Variants in AGFG2 observed in about 807,000 individuals in gnomAD.
AGFG2 encodes the protein arf-GAP domain and FG repeat-containing protein 2.
A neutral mutation model predicts 48.0 loss-of-function variants in AGFG2; 31 were observed. That is an observed-to-expected ratio of 0.65 (90% confidence interval 0.49 to 0.87). The LOEUF (loss-of-function observed/expected upper bound fraction) is 0.87. Ranked by LOEUF, AGFG2 falls within the 40% of genes least tolerant of loss-of-function variation. AGFG2 has a pLI of 0.00. For missense variants in AGFG2, 599 were observed against 632.6 expected (o/e 0.95, Z 0.57); for synonymous variants, 229 against 260.8 (o/e 0.88, Z 1.18).
rs913099551 is a variant in AGFG2, at chr7:100,562,749, C to T, written c.1087+67C>T. 6.3e-7 allele frequency: 1 copy of T among 1,590,790 alleles called. No homozygotes were observed. The highest frequency in any genetic ancestry group is 1.3e-5 in the African/African-American group (1 of 74,576). On this transcript the variant is annotated intron_variant, in intron 8 of 11. Coordinates refer to ENST00000300176, the MANE Select transcript of AGFG2 (RefSeq NM_006076.5). The surrounding 1 kb of genome is among the most constrained non-coding windows in gnomAD (Gnocchi z 5.4). ...CCAGGAGGAGTCTAAGGACTCTGGA[C>T]AGGGTGGGAAGGGGAGAGATTGAGA...
Position 100,548,929 on chromosome 7 carries a change from G to A in AGFG2, c.315+14G>A, listed in dbSNP as rs767248713. The A allele has an allele frequency of 1.3e-5, 21 of 1,606,452 alleles. No homozygotes were observed. Among genetic ancestry groups the A allele is most frequent in the East Asian group, 1.1e-4 (5 of 44,838 alleles). ...CGTGGAAATGAGGTGAGCTGCCACC[G>A]ATGGAGTGGTGAGAAGGTCACCTAT... is the stretch of plus-strand genomic sequence containing the variant. On this transcript the variant is annotated intron_variant, in intron 2 of 11. Transcript: ENST00000300176.
At chr7:100,550,598 T>C in intron 3 of AGFG2, 87 bp downstream of exon 3, 1 of 1,057,090 alleles carries the variant, frequency 9.5e-7, no homozygotes, top group East Asian at 2.4e-5. Context: ...AATTTGGCCT[T>C]CTCACAAAAG....
chr7:100,556,575 T>C, intron 6 of AGFG2: 1 of 1,288,930 alleles, frequency 7.8e-7, no homozygotes. Context: ...ACCCTTCTCT[T>C]CTCCACCCTC....
At chr7:100,555,768 CCA>C in intron 6 of AGFG2, 33 bp downstream of exon 6, 1 of 1,610,598 alleles carries the variant, frequency 6.2e-7, no homozygotes, top group Non-Finnish European at 8.5e-7. Flanking sequence ...CCTTTCTCTT[CCA>C]ACCGTGTCCA....
Position 100,562,645 on chromosome 7 carries a change from C to A in AGFG2, c.1050C>A (p.Gly350=), listed in dbSNP as rs200561161. Residue 350 remains glycine (G), a synonymous_variant, in exon 8 of 12, where the codon GGC becomes GGA. Transcript: ENST00000300176. The surrounding 1 kb of genome is among the most constrained non-coding windows in gnomAD (Gnocchi z 5.4). The part of the protein sequence containing the change: ...QVPPLQSVTM[G]GGGGSSTGLA... ...CCCCGCTCCAGTCTGTCACGATGGG[C>A]GGCGGCGGCGGCAGCAGCACAGGGC... is the stretch of plus-strand genomic sequence containing the variant. The A allele has an allele frequency of 3.1e-6, 5 of 1,590,396 alleles. No homozygotes were observed. The African/African-American group carries it at 6.7e-5, about 21-fold the overall frequency.
At chr7:100,563,230 T>G (rs1800917945) in intron 9 of AGFG2, among the ~76,000 whole-genome samples, 1 of 152,168 alleles carries the variant, frequency 6.6e-6, no homozygotes, top group South Asian at 2.1e-4. Context: ...CTCAGCAGTG[T>G]CCCTTTGGGC....
intron 1 of AGFG2, among the ~76,000 whole-genome samples, chr7:100,544,127 G>A (rs1178343757): frequency 6.6e-6 from 1 of 152,206 alleles, no homozygotes; most frequent in Admixed American, 6.5e-5. Flanking sequence ...GAAAATGGAT[G>A]TTGAGGCCTG....
In AGFG2 at chr7:100,539,341, G is replaced by A. The variant is rs1216158404; in HGVS notation, c.-6G>A. 7.1e-6 allele frequency: 9 copies of A among 1,270,804 alleles called. No individual in the cohort carries two copies. In the South Asian group the frequency reaches 2.5e-4, roughly 35 times the overall value. The allele number at this position is 1,270,804 out of a possible 1,614,324, so 78.7% of individuals were successfully genotyped here. A position where few individuals can be genotyped will look rare whatever the true frequency, so the allele number is the denominator to read the frequency against. On this transcript the variant is annotated 5_prime_UTR_variant, in exon 1 of 12. Transcript: ENST00000300176. The stretch of plus-strand genomic sequence containing the variant: ...TTGCTGACTAGCGGGGAGGGAGTGG[G>A]CAGCGATGGTGATGGCGGCGAAGAA...
intron 6 of AGFG2, among the ~76,000 whole-genome samples, chr7:100,561,490 G>A (rs1800871080): frequency 1.3e-5 from 2 of 152,178 alleles, no homozygotes; most frequent in Non-Finnish European, 2.9e-5. Context: ...TGGTCGATAG[G>A]GTCCCAAGAT....
chr7:100,564,883 T>C (rs1392338803), intron 11 of AGFG2, 49 bp from the exon 12 acceptor site: 7 of 1,598,736 alleles, frequency 4.4e-6, no homozygotes, highest in Non-Finnish European at 6.0e-6. Flanking sequence ...TCTTCTAAGC[T>C]TCCAGTTCCT....
At chr7:100,543,471 T>G (rs1233044331) in intron 1 of AGFG2, among the ~76,000 whole-genome samples, 1 of 152,206 alleles carries the variant, frequency 6.6e-6, no homozygotes, top group Non-Finnish European at 1.5e-5. Flanking sequence ...ATGACATTAT[T>G]TTAAAGGCCA....
chr7:100,539,661 C>G, intron 1 of AGFG2, 94 bp downstream of exon 1: 1 of 934,230 alleles, frequency 1.1e-6, no homozygotes, highest in Non-Finnish European at 1.3e-6. Flanking sequence ...GGAAGGGGGC[C>G]GAGGTGAGGG....
At chr7:100,554,405 G>C in intron 5 of AGFG2, 147 bp downstream of exon 5, 1 of 1,061,682 alleles carries the variant, frequency 9.4e-7, no homozygotes, top group Non-Finnish European at 1.3e-6. Flanking sequence ...GGGAGGACTG[G>C]GGTCAAATAA....
At position 100,562,654 on chromosome 7, in the gene AGFG2, C is replaced by A. The variant is rs146791629; in HGVS notation, c.1059C>A (p.Gly353=). ...AGTCTGTCACGATGGGCGGCGGCGGCGGCAGCAGCACAGGGCTGGCCTTTG... is the reference window on the plus strand; with the variant it reads ...AGTCTGTCACGATGGGCGGCGGCGGAGGCAGCAGCACAGGGCTGGCCTTTG... ...PLQSVTMGGG[G]GSSTGLAFGA... Residue 353 remains glycine (G), a synonymous_variant, in exon 8 of 12, where the codon GGC becomes GGA. Transcript: ENST00000300176. The surrounding 1 kb of genome is among the most constrained non-coding windows in gnomAD (Gnocchi z 5.4). 6.2e-7 allele frequency: 1 copy of A among 1,609,594 alleles called. No homozygotes were observed. The highest frequency in any genetic ancestry group is 1.7e-5 in the Admixed American group (1 of 59,954).
intron 1 of AGFG2, among the ~76,000 whole-genome samples, chr7:100,541,824 C>G (rs2093698315): frequency 6.6e-6 from 1 of 150,922 alleles, no homozygotes; most frequent in South Asian, 2.1e-4. Context: ...AGAGCTGATT[C>G]CTGAAGATCC....
Position 100,550,396 on chromosome 7 carries a change from G to C in AGFG2, c.316G>C (p.Val106Leu). ...TCCTCTGACACCTTCATTCTTTTAG[G>C]TTTGCCGGAAGATTTGGTTGGGTCT... ...VVFLQSRGNEVCRKIWLGLFD... is the reference protein window; with the variant it reads ...VVFLQSRGNELCRKIWLGLFD... Residue 106 changes from valine to leucine, a missense_variant and splice_region_variant, in exon 3 of 12, where the codon GTT becomes CTT. Physicochemically the swap from Val to Leu is conservative, Grantham distance 32 (BLOSUM62 1). Transcript: ENST00000300176. 1 of 1,611,344 alleles carries C rather than the reference G, an allele frequency of 6.2e-7. No individual in the cohort carries two copies.
In AGFG2 at chr7:100,541,155, G is replaced by GT. The variant is rs1245089140; in HGVS notation, c.221+1591dup. ...TATCCAGTGCCATATGGGCATTGCG[G>GT]TTTCCAACATTTGTTGTTTGATATT... On this transcript the variant is annotated intron_variant, in intron 1 of 11. Coordinates refer to ENST00000300176, the MANE Select transcript of AGFG2 (RefSeq NM_006076.5). Among the ~76,000 whole-genome samples, 73 of 152,298 alleles carry GT rather than the reference G, an allele frequency of 4.8e-4. 1 individual carries two copies. The highest frequency in any genetic ancestry group is 1.7e-3 in the African/African-American group (72 of 41,562).
intron 5 of AGFG2, 98 bp from the exon 6 acceptor site, chr7:100,555,512 A>T (rs1299929806): frequency 7.4e-6 from 10 of 1,358,208 alleles, no homozygotes; most frequent in Middle Eastern, 2.5e-4. Flanking sequence ...ACCTCAAGTG[A>T]TCTGCCCACC....
At chr7:100,550,223 C>A (rs923106452) in intron 2 of AGFG2, among the ~76,000 whole-genome samples, 173 bp from the exon 3 acceptor site, 3 of 145,268 alleles carry the variant, frequency 2.1e-5, no homozygotes, top group Non-Finnish European at 4.5e-5. Context: ...AGGAGAATTG[C>A]TTGAACCCCG....
Sources: allele counts gnomAD v4.1 joint callset (sites outside exome capture counted in the v4.1 genomes callset), GRCh38; gene constraint gnomAD v4.1.1; non-coding constraint Gnocchi (gnomAD v3.1); transcripts MANE v1.5; gene names NCBI Gene and HGNC (gene_info 2026-07-23, HGNC 2026-07-21).